The following TNRC18 variants were observed in gnomAD, a reference collection of about 807,000 sequenced individuals.
TNRC18 encodes trinucleotide repeat-containing gene 18 protein.
In TNRC18, 69 loss-of-function variants were observed where a neutral mutation model predicts 226.7. The ratio of observed to expected loss-of-function variants is 0.30; its 90% CI spans 0.25 to 0.37. The LOEUF (loss-of-function observed/expected upper bound fraction) is 0.37, where lower values mean the gene tolerates loss of function less well. Among genes scored for constraint, TNRC18 ranks in the 10% least tolerant of loss-of-function variants. The pLI, the probability that TNRC18 is intolerant of heterozygous loss-of-function variation, is 1.00. For missense variants in TNRC18, 4,754 were observed against 4,256.6 expected, an observed-to-expected ratio of 1.12 and a Z score of -3.25; for synonymous variants, 2,449 against 1,927.6, an observed-to-expected ratio of 1.27 and a Z score of -7.09.
At chr7:5,422,909 G>A (rs1363502272) in intron 1 of TNRC18, 1 of 152,160 alleles carries the variant, frequency 6.6e-6, no homozygotes, top group Non-Finnish European at 1.5e-5. Context: ...GAGATTCTTT[G>A]GGTAGCTTTC....
At chr7:5,409,108 T>C (rs1190858580) in intron 2 of TNRC18, among the ~76,000 whole-genome samples, 1 of 152,044 alleles carries the variant, frequency 6.6e-6, no homozygotes, top group African/African-American at 2.4e-5. Context: ...TTCAAGAAGC[T>C]CCTCAATGGC....
intron 18 of TNRC18, 45 bp downstream of exon 18, chr7:5,345,517 G>GGGGGGGGGGGGGGCC: frequency 2.6e-6 from 1 of 377,744 alleles, no homozygotes; most frequent in Non-Finnish European, 4.8e-6. Context: ...AATGGCGTCC[G>GGGGGGGGGGGGGGCC]CCCCTCCCAC....
At chr7:5,356,623 C>G (rs1233688672) in intron 16 of TNRC18, among the ~76,000 whole-genome samples, 2 of 152,200 alleles carry the variant, frequency 1.3e-5, no homozygotes, top group Non-Finnish European at 2.9e-5. Context: ...GGCGGGCGGG[C>G]AAGACAGGGC....
At chr7:5,369,484 A>C in intron 11 of TNRC18, among the ~76,000 whole-genome samples, 1 of 152,206 alleles carries the variant, frequency 6.6e-6, no homozygotes, top group East Asian at 1.9e-4. Flanking sequence ...GGGACCTGGG[A>C]GGAACTGACA....
At chr7:5,338,220 A>G (rs1790313214) in intron 18 of TNRC18, among the ~76,000 whole-genome samples, 1 of 152,150 alleles carries the variant, frequency 6.6e-6, no homozygotes, top group East Asian at 1.9e-4. Flanking sequence ...CTAACAGGAA[A>G]ATTAAAATGG....
chr7:5,308,346 G>A, intron 29 of TNRC18, 34 bp from the exon 30 acceptor site: 1 of 1,546,538 alleles, frequency 6.5e-7, no homozygotes, highest in East Asian at 2.6e-5. Flanking sequence ...GATGGCAGGT[G>A]GGGGGCACAG....
chr7:5,378,114 C>T, intron 5 of TNRC18, 90 bp from the exon 6 acceptor site: 1 of 1,001,496 alleles, frequency 1.0e-6, no homozygotes, highest in African/African-American at 1.6e-5. Context: ...CTCCCTGGGC[C>T]CCCCAGAGCC....
In TNRC18 at chr7:5,392,726, G is replaced by A. The variant is rs549064052; in HGVS notation, c.343+1714C>T. On this transcript the variant is annotated intron_variant, in intron 3 of 29. Transcript: ENST00000430969. ...TAAAATGGACCTAATGGGCTTAATA[G>A]GCCGGGCACAGTGGCTCATGCCTGT... Among the ~76,000 whole-genome samples the A allele has an allele frequency of 4.6e-5, 7 of 152,142 alleles. No individual in the cohort carries two copies. The South Asian group carries it at 1.5e-3, about 32-fold the overall frequency.
intron 19 of TNRC18, among the ~76,000 whole-genome samples, chr7:5,328,675 CT>C (rs1031883066): frequency 6.6e-6 from 1 of 151,902 alleles, no homozygotes; most frequent in Admixed American, 6.6e-5. Flanking sequence ...CACCCGGCTA[CT>C]TTTTTGTATT....
In TNRC18 at chr7:5,385,106, G is replaced by A. The variant is rs142473686; in HGVS notation, c.2152+2566C>T. ...GCACAGAGGATGGGGAGACATGGCT[G>A]TGCAGGAAGTGGGAAGGGCACTGCA... On this transcript the variant is annotated intron_variant, in intron 5 of 29. Transcript: ENST00000430969. Among the ~76,000 whole-genome samples, 54 of 152,356 alleles carry A rather than the reference G, an allele frequency of 3.5e-4. No homozygotes were observed. In the East Asian group the frequency reaches 8.7e-3, roughly 24 times the overall value.
chr7:5,343,253 C>CTT (rs35840969), intron 18 of TNRC18, among the ~76,000 whole-genome samples: 52,109 of 151,686 alleles, frequency 0.34, 10,107 homozygotes, highest in East Asian at 0.65. Context: ...ACTCGGGAGG[C>CTT]TGAGGCAGGA....
intron 11 of TNRC18, among the ~76,000 whole-genome samples, chr7:5,368,934 AT>A (rs879436894): frequency 6.6e-6 from 1 of 151,994 alleles, no homozygotes; most frequent in Non-Finnish European, 1.5e-5. Flanking sequence ...AAGGCATCCC[AT>A]TCTCTTTGAG....
At chr7:5,322,047 AG>A (rs1400717858) in intron 21 of TNRC18, among the ~76,000 whole-genome samples, 2 of 151,848 alleles carry the variant, frequency 1.3e-5, no homozygotes, top group African/African-American at 2.4e-5. Flanking sequence ...TGGGAGGCTG[AG>A]GCGGGCAGAT....
At position 5,382,319 on chromosome 7, in the gene TNRC18, G is replaced by A. The variant is rs574659406; in HGVS notation, c.2153-4295C>T. ...CACTGCCGCCCCCTCTCTGCAGGCCGCCCAGAGGCCCAGCCCCAGCCCAGG... is the reference window on the plus strand; with the variant it reads ...CACTGCCGCCCCCTCTCTGCAGGCCACCCAGAGGCCCAGCCCCAGCCCAGG... On this transcript the variant is annotated intron_variant, in intron 5 of 29. Coordinates refer to ENST00000430969, the MANE Select transcript of TNRC18 (RefSeq NM_001080495.3). Among the ~76,000 whole-genome samples, 15 of 152,172 alleles carry A rather than the reference G, an allele frequency of 9.9e-5. No homozygotes were observed. In the South Asian group the frequency reaches 2.3e-3, roughly 23 times the overall value.
intron 2 of TNRC18, among the ~76,000 whole-genome samples, chr7:5,417,415 AGCTGAGATCAC>A (rs1369746239): frequency 1.3e-5 from 2 of 152,148 alleles, no homozygotes; most frequent in African/African-American, 4.8e-5. Flanking sequence ...GGTTGCAATG[AGCTGAGATCAC>A]GCTATTGCAT....
At position 5,341,418 on chromosome 7, in the gene TNRC18, CAA is replaced by C. The variant is rs35407523; in HGVS notation, c.5719+4142_5719+4143del. 9.5e-3 allele frequency among the ~76,000 whole-genome samples: 809 copies of C among 85,080 alleles called. 9 individuals carry two copies. The highest frequency in any genetic ancestry group is 0.026 in the South Asian group (63 of 2,418). The allele number at this position is 85,080 out of a possible 152,430, so 55.8% of individuals were successfully genotyped here. On this transcript the variant is annotated intron_variant, in intron 18 of 29. Coordinates refer to ENST00000430969, the MANE Select transcript of TNRC18 (RefSeq NM_001080495.3). ...TGGGCGACAAAGCAAGACTCCATCTCAAAAAAAAAAAAAAAAAAAAGATGCTG... is the reference window on the plus strand; with the variant it reads ...TGGGCGACAAAGCAAGACTCCATCTCAAAAAAAAAAAAAAAAAAGATGCTG...
intron 2 of TNRC18, among the ~76,000 whole-genome samples, chr7:5,419,643 T>C (rs1410230055): frequency 6.6e-6 from 1 of 151,714 alleles, no homozygotes; most frequent in Non-Finnish European, 1.5e-5. Context: ...CCGGGCGGAA[T>C]ACGCCCCCAG....
rs1562488313 is a variant in TNRC18 at position 5,320,660 on chromosome 7, G to A, written c.6561-53C>T. ...GCAGAGGCCGAGACCTCCCCAGAGG[G>A]CCTCAATCCCACCAGCACAGCACTG... On this transcript the variant is annotated intron_variant, in intron 22 of 29. Coordinates refer to ENST00000430969, the MANE Select transcript of TNRC18 (RefSeq NM_001080495.3). 2.6e-6 allele frequency: 4 copies of A among 1,515,006 alleles called. No individual in the cohort carries two copies. The South Asian group carries it at 3.5e-5, about 13-fold the overall frequency. The allele number at this position is 1,515,006 out of a possible 1,614,324, so 93.8% of individuals were successfully genotyped here.
chr7:5,402,340 C>T, intron 2 of TNRC18, among the ~76,000 whole-genome samples: 1 of 151,604 alleles, frequency 6.6e-6, no homozygotes, highest in Non-Finnish European at 1.5e-5. Context: ...TTGAGACCAG[C>T]CTGGGCAACA....
Sources: gnomAD v4.1 joint callset for allele counts (sites outside exome capture counted in the v4.1 genomes callset) on GRCh38, gnomAD v4.1.1 for gene constraint, MANE v1.5 for transcripts, NCBI Gene and HGNC (gene_info 2026-07-23, HGNC 2026-07-21) for gene names.